SGCD: variants seen among roughly 807,000 people sequenced by gnomAD.
SGCD encodes the protein delta-sarcoglycan.
In SGCD, 18 loss-of-function variants were observed where a neutral mutation model predicts 36.6. The observed-to-expected ratio is 0.49, with a 90% confidence interval of 0.34 to 0.73. SGCD has a LOEUF of 0.73. Among genes scored for constraint, SGCD ranks in the 30% least tolerant of loss-of-function variants. The probability of loss-of-function intolerance (pLI) is 0.01; values close to 1 mark genes in which losing one functional copy is unlikely to be tolerated. For synonymous variants in SGCD, 133 were observed against 130.6 expected (o/e 1.02, Z -0.12); for missense variants, 387 against 346.7 (o/e 1.12, Z -0.92).
the SGCD span, among the ~76,000 whole-genome samples, chr5:155,746,073 A>G: frequency 1.3e-5 from 2 of 152,204 alleles, no homozygotes; most frequent in Admixed American, 1.3e-4. Context: ...AATGGAAATA[A>G]CCAAAATAAA....
intron 1 of SGCD, among the ~76,000 whole-genome samples, chr5:155,953,680 T>C (rs1043744615): frequency 1.3e-5 from 2 of 152,204 alleles, no homozygotes; most frequent in African/African-American, 4.8e-5. Context: ...GTGATGTCTG[T>C]TAAGTGCTTT....
chr5:156,564,249 A>G (rs1313507590), intron 4 of SGCD, among the ~76,000 whole-genome samples: 2 of 152,158 alleles, frequency 1.3e-5, no homozygotes, highest in Non-Finnish European at 2.9e-5. Flanking sequence ...GGAGATCAAG[A>G]CCATCTTGGC....
chr5:156,055,519 G>T (rs1219650000), intron 1 of SGCD, among the ~76,000 whole-genome samples: 1 of 146,402 alleles, frequency 6.8e-6, no homozygotes, highest in South Asian at 2.1e-4. Context: ...TTTGAAGATT[G>T]TTACTTGGTG....
At chr5:156,233,718 GT>G (rs1561576997) in intron 3 of SGCD, among the ~76,000 whole-genome samples, 2 of 152,080 alleles carry the variant, frequency 1.3e-5, no homozygotes, top group African/African-American at 4.8e-5. Flanking sequence ...AAATGCTCAC[GT>G]TTTTAAAAAA....
rs111703649 is a variant in SGCD at position 156,478,612 on chromosome 5, G to C, written c.193-29989G>C. 4.6e-4 allele frequency among the ~76,000 whole-genome samples: 70 copies of C among 152,188 alleles called. 1 individual carries two copies. Among genetic ancestry groups the C allele is most frequent in the Middle Eastern group, 3.4e-3 (1 of 294 alleles). On this transcript the variant is annotated intron_variant, in intron 3 of 8. Transcript: ENST00000337851. ...TTTTTTGTTTTTGAGACAGAGTCTC[G>C]CTGTGTCTCCCAGGCTGGAGTGCAA...
rs116410025 is a variant in SGCD, at chr5:155,931,382, T to G, written c.-282+60958T>G. On this transcript the variant is annotated intron_variant, in intron 1 of 9. Coordinates refer to the SGCD transcript ENST00000517913. The stretch of plus-strand genomic sequence containing the variant: ...AATGGATTATTTTTCCATTTTTTAT[T>G]TTAACATCAGAAGCACTTGTCTATG... 4.0e-3 allele frequency among the ~76,000 whole-genome samples: 603 copies of G among 152,300 alleles called. 5 individuals are homozygous for G. The highest frequency in any genetic ancestry group is 0.014 in the African/African-American group (562 of 41,566).
rs6897134 is a variant in SGCD at position 155,987,172 on chromosome 5, C to G, written c.-282+116748C>G. On this transcript the variant is annotated intron_variant, in intron 1 of 9. Coordinates refer to the SGCD transcript ENST00000517913. ...AGCTTATTTCCAAAAAGGCCATATT[C>G]TCATCATTTGAACTTGCATTAATTA... 7.0e-3 allele frequency among the ~76,000 whole-genome samples: 1,073 copies of G among 152,256 alleles called. 11 individuals are homozygous for G. Among genetic ancestry groups the G allele is most frequent in the African/African-American group, 0.024 (992 of 41,556 alleles).
At chr5:156,484,145 C>G (rs1755559156) in intron 3 of SGCD, among the ~76,000 whole-genome samples, 1 of 152,178 alleles carries the variant, frequency 6.6e-6, no homozygotes, top group Non-Finnish European at 1.5e-5. Context: ...AACTCATACT[C>G]CAGTCAACGA....
intron 3 of SGCD, among the ~76,000 whole-genome samples, chr5:156,276,586 G>GA (rs1766323627): frequency 2.0e-5 from 3 of 152,066 alleles, no homozygotes; most frequent in Non-Finnish European, 1.5e-5. Context: ...AGTATATATA[G>GA]ATTTACTATA....
At chr5:155,820,474 A>G in the SGCD span, among the ~76,000 whole-genome samples, 1 of 152,130 alleles carries the variant, frequency 6.6e-6, no homozygotes, top group Admixed American at 6.6e-5. Context: ...AGCCTGGGCA[A>G]CATGGTGAAA....
At chr5:155,780,368 A>G in the SGCD span, among the ~76,000 whole-genome samples, 14 of 152,258 alleles carry the variant, frequency 9.2e-5, no homozygotes, top group South Asian at 2.3e-3. Context: ...GTCTTTGTGG[A>G]GCCAATTAAA....
intron 3 of SGCD, among the ~76,000 whole-genome samples, chr5:156,214,957 T>C (rs1205842575): frequency 6.6e-6 from 1 of 152,062 alleles, no homozygotes; most frequent in Non-Finnish European, 1.5e-5. Context: ...CAAAATGTAT[T>C]AAAGTCTTAA....
chr5:156,520,925 G>A (rs1367382862), intron 4 of SGCD, among the ~76,000 whole-genome samples: 1 of 150,270 alleles, frequency 6.7e-6, no homozygotes, highest in Admixed American at 6.7e-5. Flanking sequence ...GCTGAGGCAG[G>A]AGAATGGCAT....
chr5:155,802,835 C>T, the SGCD span, among the ~76,000 whole-genome samples: 1 of 152,126 alleles, frequency 6.6e-6, no homozygotes, highest in African/African-American at 2.4e-5. Context: ...CATGCTGGCC[C>T]TTTGAAGTTC....
intron 1 of SGCD, among the ~76,000 whole-genome samples, chr5:155,879,522 A>G (rs1755836409): frequency 6.6e-6 from 1 of 152,128 alleles, no homozygotes; most frequent in Admixed American, 6.5e-5. Context: ...GTAACCACAC[A>G]ATTTCCTTTG....
the SGCD span, among the ~76,000 whole-genome samples, chr5:155,835,167 C>G: frequency 6.6e-6 from 1 of 151,706 alleles, no homozygotes; most frequent in Non-Finnish European, 1.5e-5. Context: ...CACCACCATG[C>G]CTGCTAATTT....
chr5:156,631,476 TAA>T (rs370578511), intron 6 of SGCD, among the ~76,000 whole-genome samples: 70 of 147,782 alleles, frequency 4.7e-4, no homozygotes, highest in African/African-American at 1.3e-3. Flanking sequence ...TTTTTTTTTT[TAA>T]AAAAAAGATA....
intron 7 of SGCD, among the ~76,000 whole-genome samples, chr5:156,744,439 C>T (rs1216911658): frequency 6.6e-6 from 1 of 152,228 alleles, no homozygotes; most frequent in Non-Finnish European, 1.5e-5. Flanking sequence ...TCTCCAACTC[C>T]TGGGCTAGGT....
At position 156,589,547 on chromosome 5, in the gene SGCD, A is replaced by C. The variant is rs142267987; in HGVS notation, c.382+229A>C. ...TACCTACTTAGTGGGGTAAGAAAAA[A>C]AATTTTTCTAAGCAGATTTTCATAG... On this transcript the variant is annotated intron_variant, in intron 5 of 8. Transcript: ENST00000337851. Among the ~76,000 whole-genome samples the C allele has an allele frequency of 9.2e-5, 14 of 152,300 alleles. No individual in the cohort carries two copies. In the East Asian group the frequency reaches 2.7e-3, roughly 29 times the overall value.
Sources: allele counts gnomAD v4.1 joint callset (sites outside exome capture counted in the v4.1 genomes callset), GRCh38; gene constraint gnomAD v4.1.1; transcripts MANE v1.5; gene names NCBI Gene and HGNC (gene_info 2026-07-23, HGNC 2026-07-21).